Variants in VPS53 observed in about 807,000 individuals in gnomAD.
VPS53 encodes vacuolar protein sorting-associated protein 53 homolog.
In VPS53, 70 loss-of-function variants were observed where a neutral mutation model predicts 107.0. The observed-to-expected ratio is 0.65, with a 90% CI of 0.54 to 0.80. The LOEUF is 0.80. Among genes scored for constraint, VPS53 ranks in the 30% least tolerant of loss-of-function variants. VPS53 has a pLI of 0.00. For synonymous variants in VPS53, 409 were observed against 393.3 expected (o/e 1.04, Z -0.47); for missense variants, 917 against 1,049.4 (o/e 0.87, Z 1.74).
At chr17:528,573 T>A (rs1329314564) in intron 19 of VPS53, among the ~76,000 whole-genome samples, 2 of 150,876 alleles carry the variant, frequency 1.3e-5, no homozygotes, top group Non-Finnish European at 2.9e-5. Flanking sequence ...AGCTTTTGTG[T>A]GAACACATTT....
intron 7 of VPS53, among the ~76,000 whole-genome samples, chr17:646,683 T>C (rs1206331375): frequency 8.5e-6 from 1 of 117,992 alleles, no homozygotes; most frequent in African/African-American, 3.2e-5. Flanking sequence ...TTCTAATCCA[T>C]ATCACGGACT....
At chr17:522,142 T>C (rs1403619487) in intron 19 of VPS53, among the ~76,000 whole-genome samples, 2 of 152,062 alleles carry the variant, frequency 1.3e-5, no homozygotes, top group African/African-American at 4.8e-5. Flanking sequence ...TGGTCCCAGC[T>C]ACTGAGGAAG....
At chr17:545,192 C>T (rs1322493544) in intron 17 of VPS53, among the ~76,000 whole-genome samples, 3 of 152,162 alleles carry the variant, frequency 2.0e-5, no homozygotes, top group Non-Finnish European at 2.9e-5. Flanking sequence ...TCAGAGGGAC[C>T]ACCTGACTTT....
intron 7 of VPS53, among the ~76,000 whole-genome samples, chr17:652,995 C>T (rs1044095113): frequency 6.6e-6 from 1 of 152,248 alleles, no homozygotes; most frequent in Non-Finnish European, 1.5e-5. Flanking sequence ...TTCCTAGCAC[C>T]AGGTCCTTTT....
Position 601,934 on chromosome 17 carries a change from G to T in VPS53, c.1117-38C>A, listed in dbSNP as rs1020081204. On this transcript the variant is annotated intron_variant, in intron 11 of 21. Coordinates refer to ENST00000437048, the MANE Select transcript of VPS53 (RefSeq NM_001128159.3). Reference sequence around the variant, plus strand: ...TATGAGAAAGAGAAGTGTTTTCTGAGCATATTCAATAGCTTTCCCCATTGA... The same window carrying T: ...TATGAGAAAGAGAAGTGTTTTCTGATCATATTCAATAGCTTTCCCCATTGA... The T allele has an allele frequency of 7.0e-6, 10 of 1,429,524 alleles. No individual in the cohort carries two copies. The African/African-American group carries it at 1.2e-4, about 17-fold the overall frequency. 88.6% of individuals were successfully genotyped at this position (1,429,524 alleles called of 1,614,324 possible).
chr17:572,428 C>T (rs960669594), intron 13 of VPS53, among the ~76,000 whole-genome samples: 5 of 149,086 alleles, frequency 3.4e-5, no homozygotes, highest in East Asian at 2.0e-4. Flanking sequence ...GTCAGCCCCC[C>T]GCCCGGCCAG....
At chr17:612,719 T>C (rs1163851931) in intron 11 of VPS53, among the ~76,000 whole-genome samples, 3 of 141,268 alleles carry the variant, frequency 2.1e-5, no homozygotes, top group East Asian at 2.2e-4. Flanking sequence ...AATATTCACA[T>C]AGTTCACACA....
At chr17:676,808 T>C (rs1320622010) in intron 4 of VPS53, among the ~76,000 whole-genome samples, 2 of 151,850 alleles carry the variant, frequency 1.3e-5, no homozygotes, top group East Asian at 3.9e-4. Flanking sequence ...GTCCAACTGC[T>C]GGACTAGTTA....
chr17:522,775 A>T (rs779372914), intron 19 of VPS53: 1 of 152,198 alleles, frequency 6.6e-6, no homozygotes, highest in African/African-American at 2.4e-5. Flanking sequence ...CTAGAAGGAC[A>T]CCCATAGTCC....
chr17:555,947 G>C lies in VPS53; in HGVS notation c.1705-2485C>G, dbSNP rs1037110110. 4.6e-5 allele frequency among the ~76,000 whole-genome samples: 7 copies of C among 152,242 alleles called. No homozygotes were observed. The East Asian group carries it at 1.3e-3, about 29-fold the overall frequency. On this transcript the variant is annotated intron_variant, in intron 15 of 21. Coordinates refer to ENST00000437048, the MANE Select transcript of VPS53 (RefSeq NM_001128159.3). ...AGTTTCTTTAAGAAAAGATTGCAGA[G>C]GGGGCAAAGGGAAATGGAAGAAGAA...
chr17:519,129 T>G lies in VPS53; in HGVS notation c.2498A>C (p.Ter833SerextTer63). 1 of 1,509,836 alleles carries G rather than the reference T, an allele frequency of 6.6e-7. No individual in the cohort carries two copies. Among genetic ancestry groups the G allele is most frequent in the Non-Finnish European group, 8.9e-7 (1 of 1,127,166 alleles). 93.5% of individuals were successfully genotyped at this position (1,509,836 alleles called of 1,614,324 possible). The change falls in exon 22 of 22, where the codon TAG becomes TCG. Residue 833 changes from the stop codon to serine (S), a stop_lost. Transcript: ENST00000437048. The surrounding 1 kb of genome is among the most constrained non-coding windows in gnomAD (Gnocchi z 5.0). ...GGAGCAAAGGGCCCCTTGCTGCTGC[T>G]ACAGTCTCTTTTTAATGAGTTTCTC... ...KLEKLIKKRL[*>S]
At chr17:645,193 A>G (rs926224606) in intron 7 of VPS53, among the ~76,000 whole-genome samples, 1 of 152,264 alleles carries the variant, frequency 6.6e-6, no homozygotes, top group Non-Finnish European at 1.5e-5. Flanking sequence ...AAGTGGGACT[A>G]CATCAACCTA....
rs1435690863 is a variant in VPS53 at position 642,560 on chromosome 17, A to G, written c.608+10731T>C. Among the ~76,000 whole-genome samples, 777 of 120,260 alleles carry G rather than the reference A, an allele frequency of 6.5e-3. 19 individuals carry two copies. Among genetic ancestry groups the G allele is most frequent in the African/African-American group, 0.019 (613 of 32,534 alleles). 78.9% of individuals were successfully genotyped at this position (120,260 alleles called of 152,430 possible). A position where few individuals can be genotyped will look rare whatever the true frequency, so the allele number is the denominator to read the frequency against. On this transcript the variant is annotated intron_variant, in intron 7 of 21. Coordinates refer to ENST00000437048, the MANE Select transcript of VPS53 (RefSeq NM_001128159.3). ...AGGACAACACTCATACTTGGAAATCAAGGACAACACTCATACTTGGCAACT... is the reference window on the plus strand; with the variant it reads ...AGGACAACACTCATACTTGGAAATCGAGGACAACACTCATACTTGGCAACT...
At chr17:671,706 C>CAT (rs1555578342) in intron 4 of VPS53, among the ~76,000 whole-genome samples, 4 of 138,684 alleles carry the variant, frequency 2.9e-5, no homozygotes, top group Non-Finnish European at 4.7e-5. Flanking sequence ...TTTCCCATGA[C>CAT]TTTTTTTTTT....
At chr17:560,363 G>A (rs1038422215) in intron 15 of VPS53, 63 bp downstream of exon 15, 41 of 1,543,952 alleles carry the variant, frequency 2.7e-5, no homozygotes, top group South Asian at 6.1e-5. Flanking sequence ...CTTACTCGCC[G>A]AGCGACGCAG....
chr17:652,588 G>GACAGC (rs1284592769), intron 7 of VPS53, among the ~76,000 whole-genome samples: 1 of 152,188 alleles, frequency 6.6e-6, no homozygotes, highest in Non-Finnish European at 1.5e-5. Flanking sequence ...GCTCCCAGCT[G>GACAGC]ACAGCAAGCA....
intron 13 of VPS53, 44 bp downstream of exon 13, chr17:586,226 C>G (rs373738694): frequency 6.3e-7 from 1 of 1,575,112 alleles, no homozygotes. Context: ...ATGACCAGAG[C>G]GGCGAGAAAT....
chr17:520,694 G>C lies in VPS53; in HGVS notation c.2224-764C>G, dbSNP rs901774030. Among the ~76,000 whole-genome samples the C allele has an allele frequency of 1.3e-5, 2 of 151,764 alleles. No individual in the cohort carries two copies. Among genetic ancestry groups the C allele is most frequent in the African/African-American group, 2.4e-5 (1 of 41,406 alleles). ...GGAGGAGTTCACTCAGGCATCCTCT[G>C]CCGATAATTCCCAGACCACAGGCTC... is the stretch of plus-strand genomic sequence containing the variant. On this transcript the variant is annotated intron_variant, in intron 20 of 21. Coordinates refer to ENST00000437048, the MANE Select transcript of VPS53 (RefSeq NM_001128159.3). This position sits in a 1 kb window ranked among gnomAD's most constrained non-coding sequence, Gnocchi z 4.4.
chr17:535,079 C>T (rs757894054), intron 18 of VPS53, among the ~76,000 whole-genome samples: 19 of 152,166 alleles, frequency 1.2e-4, no homozygotes, highest in Non-Finnish European at 1.0e-4. Flanking sequence ...GCCATCAGGG[C>T]GGTGGTGGCT....
Sources: allele counts gnomAD v4.1 joint callset (sites outside exome capture counted in the v4.1 genomes callset), GRCh38; gene constraint gnomAD v4.1.1; non-coding constraint Gnocchi (gnomAD v3.1); transcripts MANE v1.5; gene names NCBI Gene and HGNC (gene_info 2026-07-23, HGNC 2026-07-21).